The following GLIS3 variants were observed in gnomAD, a reference collection of about 807,000 sequenced individuals.
GLIS3 encodes the protein zinc finger protein GLIS3.
In GLIS3, 53 loss-of-function variants were observed where a neutral mutation model predicts 78.6. That is an observed-to-expected ratio of 0.67 (90% CI 0.54 to 0.85). The LOEUF is 0.85. Among genes scored for constraint, GLIS3 ranks in the 40% least tolerant of loss-of-function variants. The pLI, the probability that GLIS3 is intolerant of heterozygous loss-of-function variation, is 0.00. For missense variants in GLIS3, 1,703 were observed against 1,231.1 expected, an observed-to-expected ratio of 1.38 and a Z score of -5.74; for synonymous variants, 684 against 509.9, an observed-to-expected ratio of 1.34 and a Z score of -4.60.
intron 2 of GLIS3, among the ~76,000 whole-genome samples, chr9:4,135,270 A>T (rs1203121444): frequency 1.3e-5 from 2 of 152,186 alleles, no homozygotes; most frequent in Non-Finnish European, 2.9e-5. Context: ...CATGTGCTTT[A>T]AAAGGCAAAT....
At chr9:4,274,761 T>A (rs898160013) in intron 2 of GLIS3, among the ~76,000 whole-genome samples, 20 of 152,182 alleles carry the variant, frequency 1.3e-4, no homozygotes, top group Non-Finnish European at 2.9e-4. Context: ...CACACATCCA[T>A]GAAGCCAGCC....
At chr9:4,402,898 A>T in the GLIS3 span, among the ~76,000 whole-genome samples, 1 of 152,196 alleles carries the variant, frequency 6.6e-6, no homozygotes, top group Non-Finnish European at 1.5e-5. Context: ...TAGAAAATTT[A>T]TTCAAAGGGA....
intron 4 of GLIS3, chr9:4,071,969 T>C (rs948824223): frequency 7.9e-5 from 12 of 152,116 alleles, no homozygotes; most frequent in African/African-American, 2.7e-4. Flanking sequence ...TGACCTGCAT[T>C]TGTAGAACTC....
At chr9:4,292,718 A>G (rs566972345) in intron 1 of GLIS3, among the ~76,000 whole-genome samples, 7 of 152,302 alleles carry the variant, frequency 4.6e-5, no homozygotes, top group Admixed American at 1.3e-4. Flanking sequence ...GATCAAAATT[A>G]CCGAAAATTT....
chr9:4,216,824 CA>C (rs1454767425), intron 2 of GLIS3, among the ~76,000 whole-genome samples: 2 of 152,182 alleles, frequency 1.3e-5, no homozygotes, highest in African/African-American at 4.8e-5. Flanking sequence ...GCTGTCATAA[CA>C]AACAGAGATG....
the GLIS3 span, among the ~76,000 whole-genome samples, chr9:4,365,236 G>C: frequency 3.9e-5 from 6 of 152,162 alleles, no homozygotes; most frequent in African/African-American, 1.2e-4. Context: ...CATGCATGGC[G>C]TAAGATATGA....
intron 2 of GLIS3, among the ~76,000 whole-genome samples, chr9:4,187,847 G>A (rs1470839663): frequency 1.3e-5 from 2 of 152,046 alleles, no homozygotes; most frequent in African/African-American, 4.8e-5. Flanking sequence ...CATTGATTTT[G>A]TATCCTGAGA....
At chr9:4,085,029 G>T (rs1022815587) in intron 4 of GLIS3, among the ~76,000 whole-genome samples, 1 of 150,968 alleles carries the variant, frequency 6.6e-6, no homozygotes, top group Non-Finnish European at 1.5e-5. Flanking sequence ...CATAGAAAAT[G>T]ATCTTGTTAG....
At chr9:4,482,491 C>T in the GLIS3 span, among the ~76,000 whole-genome samples, 38,817 of 151,988 alleles carry the variant, frequency 0.26, 5,199 homozygotes, top group East Asian at 0.5. Context: ...CCATGGGTCA[C>T]GAAAATCCAT....
chr9:4,190,342 C>T (rs1480351765), intron 2 of GLIS3, among the ~76,000 whole-genome samples: 3 of 152,010 alleles, frequency 2.0e-5, no homozygotes, highest in East Asian at 1.9e-4. Context: ...CTTAAAGGAG[C>T]TGATGGAGCT....
intron 6 of GLIS3, among the ~76,000 whole-genome samples, chr9:3,929,575 C>A (rs1046236051): frequency 1.3e-5 from 2 of 151,936 alleles, no homozygotes; most frequent in African/African-American, 4.8e-5. Flanking sequence ...ACCTTAAGAC[C>A]AAAATAATGT....
At chr9:3,914,801 C>G (rs913024559) in intron 6 of GLIS3, among the ~76,000 whole-genome samples, 9 of 152,174 alleles carry the variant, frequency 5.9e-5, no homozygotes, top group Admixed American at 5.9e-4. Context: ...CTTCTGACCA[C>G]GGATTGAGTA....
chr9:4,055,274 C>A (rs144254298), intron 4 of GLIS3, among the ~76,000 whole-genome samples: 1 of 152,262 alleles, frequency 6.6e-6, no homozygotes, highest in African/African-American at 2.4e-5. Context: ...CTACAGATGT[C>A]GAGTCTGACT....
chr9:4,486,842 A>G, the GLIS3 span, among the ~76,000 whole-genome samples: 1 of 152,242 alleles, frequency 6.6e-6, no homozygotes, highest in East Asian at 1.9e-4. Flanking sequence ...GGCATGTGCC[A>G]TCATGCCCAG....
chr9:4,407,706 G>C, the GLIS3 span, among the ~76,000 whole-genome samples: 1 of 152,142 alleles, frequency 6.6e-6, no homozygotes, highest in Non-Finnish European at 1.5e-5. Context: ...ACATTGGTCT[G>C]GGCAAGAATT....
chr9:4,269,738 G>C (rs796567564), intron 2 of GLIS3, among the ~76,000 whole-genome samples: 2 of 152,076 alleles, frequency 1.3e-5, no homozygotes, highest in Admixed American at 1.3e-4. Context: ...ATTAGTATTG[G>C]TAAATAATGC....
At chr9:4,408,389 TG>T in the GLIS3 span, among the ~76,000 whole-genome samples, 1 of 148,474 alleles carries the variant, frequency 6.7e-6, no homozygotes, top group African/African-American at 2.5e-5. Flanking sequence ...GATGGTTACC[TG>T]GGGCGGTAGG....
At chr9:4,483,836 T>C in the GLIS3 span, among the ~76,000 whole-genome samples, 27 of 152,266 alleles carry the variant, frequency 1.8e-4, no homozygotes, top group East Asian at 3.3e-3. Flanking sequence ...CACAAGGAGC[T>C]GAATCTTTTT....
chr9:3,920,617 T>TTG (rs1824822588), intron 6 of GLIS3, among the ~76,000 whole-genome samples: 1 of 151,338 alleles, frequency 6.6e-6, no homozygotes. Flanking sequence ...AGGTTTTTTT[T>TTG]TTTTTTTTTT....
Sources: gnomAD v4.1 joint callset for allele counts (sites outside exome capture counted in the v4.1 genomes callset) on GRCh38, gnomAD v4.1.1 for gene constraint, MANE v1.5 for transcripts, NCBI Gene and HGNC (gene_info 2026-07-23, HGNC 2026-07-21) for gene names.